Variants in GPRC5B observed in about 807,000 individuals in gnomAD.
The protein encoded by GPRC5B is G protein-coupled receptor family C group 5 member B.
Under a neutral mutation model 30.1 loss-of-function variants are expected in GPRC5B, and 16 were observed. The observed-to-expected ratio is 0.53, with a 90% CI of 0.36 to 0.81. The LOEUF (loss-of-function observed/expected upper bound fraction) is 0.81. Ranked by LOEUF, GPRC5B falls within the 30% of genes least tolerant of loss-of-function variation. The pLI, the probability that GPRC5B is intolerant of heterozygous loss-of-function variation, is 0.01. For missense variants in GPRC5B, 428 were observed against 544.7 expected (o/e 0.79, Z 2.13); for synonymous variants, 241 against 239.5 (o/e 1.01, Z -0.06).
intron 1 of GPRC5B, among the ~76,000 whole-genome samples, chr16:19,883,533 G>C (rs115829581): frequency 7.2e-5 from 11 of 152,262 alleles, no homozygotes; most frequent in Admixed American, 6.5e-5. Context: ...TTCCTTGGCT[G>C]AAGTGCCGGG....
At chr16:19,861,811 C>T (rs1445795872) in intron 3 of GPRC5B, 26 bp downstream of exon 3, 2 of 1,605,636 alleles carry the variant, frequency 1.2e-6, no homozygotes, top group African/African-American at 2.7e-5. Context: ...AGGCTTCCTA[C>T]CCCCACATCA....
rs1033823806 is a variant in GPRC5B, at chr16:19,880,165, TAATAAAATAA to T, written c.-2+4552_-2+4561del. On this transcript the variant is annotated intron_variant, in intron 1 of 3. Transcript: ENST00000300571. ...AATAATAATAAAATAAAATAAATAA[TAATAAAATAA>T]AATAAAATAAAAAAGATTGGCAAAC... Among the ~76,000 whole-genome samples, 21 of 150,590 alleles carry T rather than the reference TAATAAAATAA, an allele frequency of 1.4e-4. No individual in the cohort carries two copies. In the South Asian group the frequency reaches 2.5e-3, roughly 18 times the overall value.
chr16:19,862,628 G>T (rs2056636096), intron 2 of GPRC5B, among the ~76,000 whole-genome samples: 1 of 152,108 alleles, frequency 6.6e-6, no homozygotes, highest in African/African-American at 2.4e-5. Context: ...AAAAAGGGTA[G>T]AAGCCGGGCG....
At position 19,858,528 on chromosome 16, in the gene GPRC5B, G is replaced by A. The variant is rs1337162351; in HGVS notation, c.*1972C>T. The A allele has an allele frequency of 1.4e-6, 1 of 693,880 alleles. No homozygotes were observed. Among genetic ancestry groups the A allele is most frequent in the African/African-American group, 1.8e-5 (1 of 56,762 alleles). The allele number at this position is 693,880 out of a possible 1,614,324, so 43.0% of individuals were successfully genotyped here. A position where few individuals can be genotyped will look rare whatever the true frequency, so the allele number is the denominator to read the frequency against. ...AAGCTCCAAAGGACTCCAGAGAGCG[G>A]GGGTGAGTAACCATTTCCTGGCACG... On this transcript the variant is annotated 3_prime_UTR_variant, in exon 4 of 4. Transcript: ENST00000300571.
intron 1 of GPRC5B, among the ~76,000 whole-genome samples, chr16:19,876,773 G>A (rs1405496113): frequency 1.3e-5 from 2 of 152,204 alleles, no homozygotes; most frequent in African/African-American, 4.8e-5. Flanking sequence ...TTTCATCCCT[G>A]AGGGTGGAAC....
At chr16:19,867,506 G>T (rs946492445) in intron 2 of GPRC5B, among the ~76,000 whole-genome samples, 1 of 152,228 alleles carries the variant, frequency 6.6e-6, no homozygotes, top group African/African-American at 2.4e-5. Flanking sequence ...TAAAGGCCAT[G>T]ATACTTGGGT....
Position 19,872,653 on chromosome 16 carries a change from C to T in GPRC5B, c.193G>A (p.Ala65Thr), listed in dbSNP as rs552102657. ...AGGAGCAGTGTGATCAGGGCGCCCGCCCCGGCCACCGCCTCCACCACAATG... is the reference window on the plus strand; with the variant it reads ...AGGAGCAGTGTGATCAGGGCGCCCGTCCCGGCCACCGCCTCCACCACAATG... ...WGIVVEAVAGAGALITLLLML... is the reference protein window; with the variant it reads ...WGIVVEAVAGTGALITLLLML... The change falls in exon 2 of 4, where the codon GCG becomes ACG. Residue 65 changes from alanine (A) to threonine (T), a missense_variant. Ala to Thr is a moderately conservative substitution (Grantham distance 58, BLOSUM62 0). This residue lies in a region of GPRC5B where 196 missense variants were observed against 272.6 expected (regional missense o/e 0.72). Transcript: ENST00000300571. This position sits in a 1 kb window ranked among gnomAD's most constrained non-coding sequence, Gnocchi z 5.0. 6.2e-7 allele frequency: 1 copy of T among 1,614,078 alleles called. No individual in the cohort carries two copies. Among genetic ancestry groups the T allele is most frequent in the African/African-American group, 1.3e-5 (1 of 75,052 alleles).
intron 2 of GPRC5B, among the ~76,000 whole-genome samples, chr16:19,870,643 C>A (rs1258589535): frequency 6.6e-6 from 1 of 152,246 alleles, no homozygotes; most frequent in Admixed American, 6.5e-5. Context: ...GCAATCCCCG[C>A]TGTGGCCCCC....
chr16:19,884,613 G>T, intron 1 of GPRC5B, 114 bp downstream of exon 1: 1 of 767,192 alleles, frequency 1.3e-6, no homozygotes, highest in Non-Finnish European at 1.6e-6. Flanking sequence ...TGGGTTGGGG[G>T]GGCGCTTAGA....
Position 19,872,467 on chromosome 16 carries a change from A to C in GPRC5B, c.379T>G (p.Phe127Val), listed in dbSNP as rs1229029923. ...AGCGCAAAGAGGACGCCCCAGAGGAAGCGGCGGACAGAGCAGATGGTCTCG... is the reference window on the plus strand; with the variant it reads ...AGCGCAAAGAGGACGCCCCAGAGGACGCGGCGGACAGAGCAGATGGTCTCG... ...EDETICSVRRFLWGVLFALCF... is the reference protein window; with the variant it reads ...EDETICSVRRVLWGVLFALCF... Residue 127 changes from phenylalanine to valine, a missense_variant, in exon 2 of 4, where the codon TTC becomes GTC. Coordinates refer to ENST00000300571, the MANE Select transcript of GPRC5B (RefSeq NM_016235.3). The surrounding 1 kb of genome is among the most constrained non-coding windows in gnomAD (Gnocchi z 5.0). The C allele has an allele frequency of 1.9e-5, 30 of 1,613,888 alleles. No homozygotes were observed. The highest frequency in any genetic ancestry group is 2.4e-5 in the Non-Finnish European group (28 of 1,179,928).
intron 1 of GPRC5B, among the ~76,000 whole-genome samples, chr16:19,876,660 C>T (rs551824098): frequency 6.6e-6 from 1 of 152,316 alleles, no homozygotes; most frequent in South Asian, 2.1e-4. Flanking sequence ...ACCAAGATGG[C>T]GACCAAGCTT....
rs775642788 is a variant in GPRC5B, at chr16:19,871,921, C to A, written c.925G>T (p.Asp309Tyr). 1 of 1,614,004 alleles carries A rather than the reference C, an allele frequency of 6.2e-7. No individual in the cohort carries two copies. The highest frequency in any genetic ancestry group is 8.5e-7 in the Non-Finnish European group (1 of 1,180,022). ...ALQENTPNYF[D>Y]TSQPRMRETA... The stretch of plus-strand genomic sequence containing the variant: ...TCCCGCATCCTGGGCTGCGACGTGT[C>A]GAAGTAGTTGGGCGTGTTCTCCTGC... Residue 309 changes from aspartate (D) to tyrosine (Y), a missense_variant, in exon 2 of 4, where the codon GAC (aspartate) becomes TAC (tyrosine). Coordinates refer to ENST00000300571, the MANE Select transcript of GPRC5B (RefSeq NM_016235.3).
At chr16:19,875,903 C>T (rs1227845610) in intron 1 of GPRC5B, among the ~76,000 whole-genome samples, 6 of 152,232 alleles carry the variant, frequency 3.9e-5, no homozygotes, top group Admixed American at 2.0e-4. Context: ...TTGCTTGTCA[C>T]GAGGTACTAA....
chr16:19,860,433 CAAGA>C lies in GPRC5B; in HGVS notation c.*63_*66del, dbSNP rs2056611626. On this transcript the variant is annotated 3_prime_UTR_variant, in exon 4 of 4. Transcript: ENST00000300571. ...CGGCAACTGTTACCGATTTCTCCCT[CAAGA>C]AAGACACAGCCAGGGAGGCAAATCG... is the stretch of plus-strand genomic sequence containing the variant. 5 of 1,024,232 alleles carry C rather than the reference CAAGA, an allele frequency of 4.9e-6. No individual in the cohort carries two copies. The highest frequency in any genetic ancestry group is 7.7e-6 in the Non-Finnish European group (5 of 652,322). The allele number at this position is 1,024,232 out of a possible 1,614,324, so 63.4% of individuals were successfully genotyped here. A position where few individuals can be genotyped will look rare whatever the true frequency, so the allele number is the denominator to read the frequency against.
At chr16:19,873,091 G>C (rs559602635) in intron 1 of GPRC5B, among the ~76,000 whole-genome samples, 1 of 152,252 alleles carries the variant, frequency 6.6e-6, no homozygotes, top group African/African-American at 2.4e-5. Context: ...GAAGGACAGG[G>C]TAGGAGGGAG....
chr16:19,870,538 T>A (rs2056707758), intron 2 of GPRC5B, among the ~76,000 whole-genome samples: 1 of 152,178 alleles, frequency 6.6e-6, no homozygotes, highest in Non-Finnish European at 1.5e-5. Context: ...GCCACACATC[T>A]AGGAAGTGGC....
chr16:19,862,272 G>A (rs2056631976), intron 2 of GPRC5B: 1 of 357,374 alleles, frequency 2.8e-6, no homozygotes, highest in Admixed American at 4.4e-5. Context: ...CAGGCCGCGG[G>A]TGACAGGCGC....
intron 2 of GPRC5B, among the ~76,000 whole-genome samples, chr16:19,864,973 C>T (rs1360072936): frequency 4.2e-5 from 6 of 144,542 alleles, no homozygotes; most frequent in African/African-American, 7.7e-5. Context: ...GGTGTGAATA[C>T]GGCTCATTGC....
chr16:19,860,501 C>A lies in GPRC5B; in HGVS notation c.1211G>T (p.Ter404LeuextTer44). The A allele has an allele frequency of 6.3e-7, 1 of 1,583,952 alleles. No individual in the cohort carries two copies. Among genetic ancestry groups the A allele is most frequent in the East Asian group, 2.2e-5 (1 of 44,700 alleles). The change falls in exon 4 of 4, where the codon TGA becomes TTA. Residue 404 changes from the stop codon to leucine (L), a stop_lost. Coordinates refer to ENST00000300571, the MANE Select transcript of GPRC5B (RefSeq NM_016235.3). Reference sequence around the variant, plus strand: ...TGATTCTCTGGAACTTAAAGTCTTTCACCAAAGGTGTCTTCCTGTGTGACT... The same window carrying A: ...TGATTCTCTGGAACTTAAAGTCTTTAACCAAAGGTGTCTTCCTGTGTGACT... ...PPSHTGRHLW* is the reference protein window; with the variant it reads ...PPSHTGRHLWL
Sources: gnomAD v4.1 joint callset for allele counts (sites outside exome capture counted in the v4.1 genomes callset) on GRCh38, gnomAD v4.1.1 for gene constraint, gnomAD v4.1.1 regional missense constraint, Gnocchi (gnomAD v3.1) non-coding constraint, MANE v1.5 for transcripts, NCBI Gene and HGNC (gene_info 2026-07-23, HGNC 2026-07-21) for gene names.